GYPB: variants seen among roughly 807,000 people sequenced by gnomAD.
The protein encoded by GYPB is glycophorin B (MNS blood group).
GYPB carries 13 observed loss-of-function variants against 15.3 expected under a neutral mutation model. That is an observed-to-expected ratio of 0.85 (90% CI 0.55 to 1.35). GYPB has a LOEUF of 1.35. Among genes scored for constraint, GYPB ranks in the 40% most tolerant of loss-of-function variants. The pLI is 0.00. For synonymous variants in GYPB, 38 were observed against 36.9 expected, an observed-to-expected ratio of 1.03 and a Z score of -0.11; for missense variants, 131 against 108.3, an observed-to-expected ratio of 1.21 and a Z score of -0.93.
At chr4:144,012,848 A>G (rs1728285540) in intron 1 of GYPB, 1 of 151,606 alleles carries the variant, frequency 6.6e-6, no homozygotes, top group Admixed American at 6.5e-5. Flanking sequence ...AGAAATACAA[A>G]ACTCTTAGAA....
rs1393332622 is a variant in GYPB, at chr4:144,013,340, C to T, written c.37+5911G>A. ...TTGGTGGGACTGTAAACTAGTTCAACCATTGTGGAAGTCAGTGTGGCGATT... is the reference window on the plus strand; with the variant it reads ...TTGGTGGGACTGTAAACTAGTTCAATCATTGTGGAAGTCAGTGTGGCGATT... On this transcript the variant is annotated intron_variant, in intron 1 of 4. Coordinates refer to ENST00000502664, the MANE Select transcript of GYPB (RefSeq NM_002100.6). Among the ~76,000 whole-genome samples the T allele has an allele frequency of 4.3e-4, 65 of 151,022 alleles. 1 individual carries two copies. The highest frequency in any genetic ancestry group is 8.5e-4 in the Non-Finnish European group (58 of 68,028).
At chr4:144,001,898 G>A (rs1363600203) in intron 1 of GYPB, among the ~76,000 whole-genome samples, 9 of 143,950 alleles carry the variant, frequency 6.3e-5, no homozygotes, top group Non-Finnish European at 1.3e-4. Context: ...GAACCCAGGA[G>A]GCCGAGCTTG....
chr4:144,015,072 T>C (rs1311349725), intron 1 of GYPB, among the ~76,000 whole-genome samples: 5 of 151,452 alleles, frequency 3.3e-5, no homozygotes, highest in African/African-American at 1.2e-4. Flanking sequence ...ATAGATTGTA[T>C]AGTCATAGTC....
chr4:144,017,426 C>A (rs548068031), intron 1 of GYPB, among the ~76,000 whole-genome samples: 4 of 150,828 alleles, frequency 2.7e-5, no homozygotes, highest in Admixed American at 6.6e-5. Flanking sequence ...ACTTGATCTT[C>A]CACCTTTCTG....
chr4:144,014,184 G>A lies in GYPB; in HGVS notation c.37+5067C>T, dbSNP rs552285666. 1.1e-3 allele frequency among the ~76,000 whole-genome samples: 171 copies of A among 151,964 alleles called. No homozygotes were observed. In the South Asian group the frequency reaches 0.034, roughly 30 times the overall value. ...AAAGGTGCAGCTCCTGTGGAAAAGA[G>A]TTGAGCAGTTCCTTAGTAAGTTAAA... On this transcript the variant is annotated intron_variant, in intron 1 of 4. Transcript: ENST00000502664.
At position 143,996,917 on chromosome 4, in the gene GYPB, T is replaced by C. The variant is rs1477357439; in HGVS notation, c.271-613A>G. Among the ~76,000 whole-genome samples, 7 of 151,266 alleles carry C rather than the reference T, an allele frequency of 4.6e-5. No homozygotes were observed. The East Asian group carries it at 1.2e-3, about 25-fold the overall frequency. ...TTTTATTTTTATTTATTTATTTATATATTTATTGAGACATGGTCTCACTCT... is the reference window on the plus strand; with the variant it reads ...TTTTATTTTTATTTATTTATTTATACATTTATTGAGACATGGTCTCACTCT... On this transcript the variant is annotated intron_variant, in intron 4 of 4. Coordinates refer to ENST00000502664, the MANE Select transcript of GYPB (RefSeq NM_002100.6).
At chr4:144,009,123 T>G (rs537388068) in intron 1 of GYPB, among the ~76,000 whole-genome samples, 3 of 151,346 alleles carry the variant, frequency 2.0e-5, no homozygotes, top group Non-Finnish European at 4.4e-5. Flanking sequence ...CAATTCACAT[T>G]TAATTTTACT....
intron 1 of GYPB, among the ~76,000 whole-genome samples, chr4:144,003,193 T>C (rs1207244398): frequency 6.6e-6 from 1 of 151,466 alleles, no homozygotes. Context: ...TCTCTCTTAA[T>C]AAATGTTAGA....
At chr4:144,009,508 G>A (rs1728099152) in intron 1 of GYPB, among the ~76,000 whole-genome samples, 1 of 147,890 alleles carries the variant, frequency 6.8e-6, no homozygotes, top group African/African-American at 2.5e-5. Context: ...AAATAAATGA[G>A]TATGACTATG....
chr4:143,997,843 T>C (rs1727407288), intron 3 of GYPB, among the ~76,000 whole-genome samples: 1 of 151,366 alleles, frequency 6.6e-6, no homozygotes, highest in African/African-American at 2.5e-5. Flanking sequence ...AAGTCTTTTG[T>C]CCAAGGTCGC....
At chr4:144,005,089 C>T (rs1433606675) in intron 1 of GYPB, among the ~76,000 whole-genome samples, 1 of 151,958 alleles carries the variant, frequency 6.6e-6, no homozygotes, top group Non-Finnish European at 1.5e-5. Flanking sequence ...TTGTGTCATT[C>T]CTAGATTAAA....
intron 1 of GYPB, among the ~76,000 whole-genome samples, chr4:144,018,925 T>C (rs1728644334): frequency 6.6e-6 from 1 of 151,462 alleles, no homozygotes; most frequent in South Asian, 2.1e-4. Context: ...TGAATCTCCT[T>C]ATAACTCAAA....
chr4:143,995,265 A>T (rs1727268071), downstream of GYPB, among the ~76,000 whole-genome samples: 1 of 151,444 alleles, frequency 6.6e-6, no homozygotes. Context: ...AGTCACCTGG[A>T]GAGGTAATAA....
In GYPB at chr4:144,017,324, C is replaced by CT. The variant is rs1213988592; in HGVS notation, c.37+1926dup. On this transcript the variant is annotated intron_variant, in intron 1 of 4. Transcript: ENST00000502664. Reference sequence around the variant, plus strand: ...TTCCTGGAGAAAGCAAGGCAATCGTCTTTTTTTCATAGCAAAAAAAAAAAA... The same window carrying CT: ...TTCCTGGAGAAAGCAAGGCAATCGTCTTTTTTTTCATAGCAAAAAAAAAAAA... 4.3e-5 allele frequency among the ~76,000 whole-genome samples: 6 copies of CT among 140,246 alleles called. No individual in the cohort carries two copies. The East Asian group carries it at 8.2e-4, about 19-fold the overall frequency. 92.0% of individuals were successfully genotyped at this position (140,246 alleles called of 152,430 possible).
intron 1 of GYPB, among the ~76,000 whole-genome samples, chr4:144,011,171 A>AG (rs112874882): frequency 0.95 from 143,937 of 151,122 alleles, 69,295 homozygotes; most frequent in East Asian, 1. Context: ...GCCTGAGCTC[A>AG]GAGTTGGAGA....
chr4:144,016,668 T>G, intron 1 of GYPB: 1 of 341,926 alleles, frequency 2.9e-6, no homozygotes, highest in South Asian at 2.4e-5. Context: ...CACAAAAAGC[T>G]TTTGGAGACT....
chr4:144,019,016 T>G (rs1728648910), intron 1 of GYPB, among the ~76,000 whole-genome samples: 1 of 151,374 alleles, frequency 6.6e-6, no homozygotes, highest in South Asian at 2.1e-4. Flanking sequence ...GACTTAGAAT[T>G]GAAGTAAGCT....
rs144784240 is a variant in GYPB, at chr4:144,002,478, G to A, written c.38-1195C>T. Reference sequence around the variant, plus strand: ...TGAATGTTCTGTGGTTTATATTTCAGTCTCCTATTCTGTGCATTCATGTGT... The same window carrying A: ...TGAATGTTCTGTGGTTTATATTTCAATCTCCTATTCTGTGCATTCATGTGT... On this transcript the variant is annotated intron_variant, in intron 1 of 4. Coordinates refer to ENST00000502664, the MANE Select transcript of GYPB (RefSeq NM_002100.6). 2,599 of 584,234 alleles carry A rather than the reference G, an allele frequency of 4.4e-3. 179 individuals are homozygous for A. In the African/African-American group the frequency reaches 0.046, roughly 10 times the overall value. 36.2% of individuals were successfully genotyped at this position (584,234 alleles called of 1,614,324 possible). A position where few individuals can be genotyped will look rare whatever the true frequency, so the allele number is the denominator to read the frequency against.
At chr4:144,007,212 A>G (rs1267803470) in intron 1 of GYPB, among the ~76,000 whole-genome samples, 3 of 151,130 alleles carry the variant, frequency 2.0e-5, no homozygotes, top group Admixed American at 1.3e-4. Flanking sequence ...ACTGTTTTGG[A>G]TAGCCTATTC....
Sources: allele counts gnomAD v4.1 joint callset (sites outside exome capture counted in the v4.1 genomes callset), GRCh38; gene constraint gnomAD v4.1.1; transcripts MANE v1.5; gene names NCBI Gene and HGNC (gene_info 2026-07-23, HGNC 2026-07-21).